The following CLIP4 variants were observed in gnomAD, a reference collection of about 807,000 sequenced individuals.
The protein encoded by CLIP4 is CAP-Gly domain containing linker protein family member 4, also known as CAP-Gly domain-containing linker protein 4.
In CLIP4, 47 loss-of-function variants were observed where a neutral mutation model predicts 73.1. That is an observed-to-expected ratio of 0.64 (90% CI 0.51 to 0.82). The LOEUF (loss-of-function observed/expected upper bound fraction) is 0.82. CLIP4 is among the 40% of genes least tolerant of loss of function. CLIP4 has a pLI of 0.00. For synonymous variants in CLIP4, 306 were observed against 295.4 expected (o/e 1.04, Z -0.37); for missense variants, 874 against 852.9 (o/e 1.02, Z -0.31).
chr2:29,127,894 T>C (rs2148478044), intron 2 of CLIP4, among the ~76,000 whole-genome samples: 1 of 152,276 alleles, frequency 6.6e-6, no homozygotes, highest in Admixed American at 6.5e-5. Flanking sequence ...ACAAGGAAAT[T>C]TGGTTGTTTA....
In CLIP4 at chr2:29,152,726, C is replaced by T. The variant is rs773004059; in HGVS notation, c.1063C>T (p.Arg355Ter). ...TTCAAAGATAAGTAAAGCAAAAGGT[C>T]GAAGGAAGAATATAACACACACTCC... ...PLSKISKAKGRRKNITHTPST... is the reference protein window; with the variant it reads ...PLSKISKAKG The change falls in exon 9 of 16, where the codon CGA becomes TGA. Residue 355 changes from arginine (R) to a stop codon, truncating the protein, a stop_gained. Transcript: ENST00000320081. LOFTEE classifies it high-confidence loss of function. The T allele has an allele frequency of 8.7e-6, 14 of 1,613,428 alleles. No homozygotes were observed. In the South Asian group the frequency reaches 1.1e-4, roughly 13 times the overall value.
intron 12 of CLIP4, among the ~76,000 whole-genome samples, chr2:29,162,182 AT>A (rs1667337917): frequency 6.6e-6 from 1 of 152,186 alleles, no homozygotes; most frequent in Admixed American, 6.5e-5. Flanking sequence ...ATAATTCTTC[AT>A]TTTAGGTTGA....
chr2:29,171,529 T>C (rs1400812087), intron 14 of CLIP4, among the ~76,000 whole-genome samples: 1 of 151,320 alleles, frequency 6.6e-6, no homozygotes, highest in African/African-American at 2.4e-5. Context: ...TCCTTTTTTT[T>C]TTTTTTTGAG....
At chr2:29,148,098 C>T (rs745735687) in intron 8 of CLIP4, among the ~76,000 whole-genome samples, 2 of 152,116 alleles carry the variant, frequency 1.3e-5, no homozygotes, top group Admixed American at 6.5e-5. Flanking sequence ...ATACCCCCGT[C>T]CCCTTGTATG....
Position 29,133,652 on chromosome 2 carries a change from T to C in CLIP4, c.368-3T>C, listed in dbSNP as rs1665137947. 6.3e-7 allele frequency: 1 copy of C among 1,598,980 alleles called. No homozygotes were observed. The highest frequency in any genetic ancestry group is 8.5e-7 in the Non-Finnish European group (1 of 1,175,834). On this transcript the variant is annotated splice_polypyrimidine_tract_variant and splice_region_variant and intron_variant, in intron 4 of 15. Coordinates refer to ENST00000320081, the MANE Select transcript of CLIP4 (RefSeq NM_024692.6). ...GGAAAGTAATTTAGAAAATCTTCTT[T>C]AGGTGATGTGGAAACAGCTGTAAAA...
intron 2 of CLIP4, among the ~76,000 whole-genome samples, chr2:29,124,109 G>A (rs1260891215): frequency 6.6e-6 from 1 of 152,110 alleles, no homozygotes; most frequent in East Asian, 1.9e-4. Flanking sequence ...TGTGAGTGTA[G>A]GTCCAGATTT....
In CLIP4 at chr2:29,182,504, C is replaced by T. The variant is rs566103301; in HGVS notation, c.*611C>T. ...TCCAGCTCTGCTTCTTGCCCATTGC[C>T]AAATACTGAAATGGAAGCCCGTCTT... is the stretch of plus-strand genomic sequence containing the variant. On this transcript the variant is annotated 3_prime_UTR_variant, in exon 16 of 16. Transcript: ENST00000320081. 3 of 152,438 alleles carry T rather than the reference C, an allele frequency of 2.0e-5. No homozygotes were observed. Among genetic ancestry groups the T allele is most frequent in the African/African-American group, 7.2e-5 (3 of 41,536 alleles). The allele number at this position is 152,438 out of a possible 1,614,324, so 9.4% of individuals were successfully genotyped here.
intron 15 of CLIP4, among the ~76,000 whole-genome samples, chr2:29,176,525 G>T (rs530707439): frequency 1.3e-5 from 2 of 152,158 alleles, no homozygotes; most frequent in African/African-American, 4.8e-5. Flanking sequence ...TCTCGATCAC[G>T]TATAGAAATG....
chr2:29,121,290 A>T, intron 1 of CLIP4, 84 bp from the exon 2 acceptor site: 1 of 1,294,000 alleles, frequency 7.7e-7, no homozygotes, highest in Non-Finnish European at 1.1e-6. Context: ...GACGTCAAAT[A>T]ACTTTTAGGC....
At chr2:29,129,149 A>G (rs1258894401) in intron 2 of CLIP4, among the ~76,000 whole-genome samples, 2 of 152,168 alleles carry the variant, frequency 1.3e-5, no homozygotes, top group African/African-American at 2.4e-5. Flanking sequence ...TAACTTAGAG[A>G]TAGCAGAGGC....
At chr2:29,161,532 G>A (rs1667291788) in intron 12 of CLIP4, among the ~76,000 whole-genome samples, 1 of 152,138 alleles carries the variant, frequency 6.6e-6, no homozygotes, top group South Asian at 2.1e-4. Context: ...GATGTTGGTG[G>A]AAGATACTGT....
intron 2 of CLIP4, among the ~76,000 whole-genome samples, chr2:29,126,415 T>C (rs890905257): frequency 2.6e-5 from 4 of 152,198 alleles, no homozygotes; most frequent in Non-Finnish European, 5.9e-5. Flanking sequence ...TTGTTTATAT[T>C]ATCTATCCCT....
intron 8 of CLIP4, among the ~76,000 whole-genome samples, chr2:29,146,903 T>C (rs1666208553): frequency 6.6e-6 from 1 of 152,234 alleles, no homozygotes; most frequent in Non-Finnish European, 1.5e-5. Flanking sequence ...AGATGAGAGC[T>C]GTTGGCTATC....
rs1282711856 is a variant in CLIP4, at chr2:29,183,305, T to C, written c.*1412T>C. On this transcript the variant is annotated 3_prime_UTR_variant, in exon 16 of 16. Coordinates refer to ENST00000320081, the MANE Select transcript of CLIP4 (RefSeq NM_024692.6). ...TATGTTGAACTATTTTGCAATATACTATTTTAAATCTAAATTCTGTCACTT... is the reference window on the plus strand; with the variant it reads ...TATGTTGAACTATTTTGCAATATACCATTTTAAATCTAAATTCTGTCACTT... The C allele has an allele frequency of 6.6e-6, 1 of 152,656 alleles. No individual in the cohort carries two copies. Among genetic ancestry groups the C allele is most frequent in the Non-Finnish European group, 1.5e-5 (1 of 68,026 alleles). The allele number at this position is 152,656 out of a possible 1,614,324, so 9.5% of individuals were successfully genotyped here.
At chr2:29,156,826 AC>A (rs1197369932) in intron 10 of CLIP4, among the ~76,000 whole-genome samples, 1 of 151,350 alleles carries the variant, frequency 6.6e-6, no homozygotes, top group Admixed American at 6.6e-5. Context: ...TTAATATTAA[AC>A]TTTTGTTGCC....
chr2:29,142,306 AG>A (rs1396966606), intron 6 of CLIP4, among the ~76,000 whole-genome samples: 1 of 150,526 alleles, frequency 6.6e-6, no homozygotes, highest in Non-Finnish European at 1.5e-5. Context: ...ACTATTATTT[AG>A]GTTTTTTTTT....
chr2:29,128,368 T>G (rs1237960145), intron 2 of CLIP4, among the ~76,000 whole-genome samples: 1 of 151,930 alleles, frequency 6.6e-6, no homozygotes, highest in East Asian at 1.9e-4. Flanking sequence ...TACAGGTATT[T>G]AGTTATCCAT....
chr2:29,146,256 C>T (rs1666158314), intron 8 of CLIP4, among the ~76,000 whole-genome samples: 1 of 152,098 alleles, frequency 6.6e-6, no homozygotes, highest in Non-Finnish European at 1.5e-5. Flanking sequence ...GCTCTGCAGA[C>T]CTCCCTCAAA....
intron 1 of CLIP4, among the ~76,000 whole-genome samples, chr2:29,117,497 C>T (rs969413501): frequency 1.3e-5 from 2 of 152,132 alleles, no homozygotes; most frequent in African/African-American, 4.8e-5. Flanking sequence ...GCGCCTGCTA[C>T]CACACCCTGT....
Sources: allele counts gnomAD v4.1 joint callset (sites outside exome capture counted in the v4.1 genomes callset), GRCh38; gene constraint gnomAD v4.1.1; transcripts MANE v1.5; gene names NCBI Gene and HGNC (gene_info 2026-07-23, HGNC 2026-07-21).